Variants in MAPK4 observed in about 807,000 individuals in gnomAD.
The protein encoded by MAPK4 is Erk3-related.
A neutral mutation model predicts 47.7 loss-of-function variants in MAPK4; 22 were observed. The observed-to-expected ratio is 0.46, with a 90% CI of 0.33 to 0.66. The LOEUF is 0.66. Among genes scored for constraint, MAPK4 ranks in the 30% least tolerant of loss-of-function variants. The pLI, the probability that MAPK4 is intolerant of heterozygous loss-of-function variation, is 0.02. For synonymous variants in MAPK4, 390 were observed against 365.7 expected (o/e 1.07, Z -0.76); for missense variants, 736 against 831.7 (o/e 0.88, Z 1.42).
At chr18:50,687,356 G>T (rs938071950) in intron 2 of MAPK4, among the ~76,000 whole-genome samples, 3 of 152,148 alleles carry the variant, frequency 2.0e-5, no homozygotes, top group Non-Finnish European at 2.9e-5. Flanking sequence ...ATCCTTGGCC[G>T]CTACTTACTA....
chr18:50,714,883 CA>C (rs1910556468), intron 2 of MAPK4, among the ~76,000 whole-genome samples, 195 bp from the exon 3 acceptor site: 1 of 152,158 alleles, frequency 6.6e-6, no homozygotes, highest in African/African-American at 2.4e-5. Context: ...CAAAGCATTT[CA>C]ACCCCACAAA....
rs113610835 is a variant in MAPK4 at position 50,662,203 on chromosome 18, G to C, written c.-870-886G>C. 6.0e-3 allele frequency among the ~76,000 whole-genome samples: 917 copies of C among 152,334 alleles called. 6 individuals are homozygous for C. The highest frequency in any genetic ancestry group is 0.02 in the African/African-American group (843 of 41,562). On this transcript the variant is annotated intron_variant, in intron 1 of 5. Coordinates refer to ENST00000400384, the MANE Select transcript of MAPK4 (RefSeq NM_002747.4). The stretch of plus-strand genomic sequence containing the variant: ...GTGTTGGATACAGTCTTCTTTCTTT[G>C]TGTGTCTGTGGTCTTTATGAACTTA...
intron 1 of MAPK4, among the ~76,000 whole-genome samples, chr18:50,580,480 C>T (rs900968159): frequency 1.3e-5 from 2 of 152,178 alleles, no homozygotes; most frequent in African/African-American, 4.8e-5. Context: ...TGCCCCACAC[C>T]TTTTGCTAAT....
chr18:50,676,497 A>G (rs1459525175), intron 2 of MAPK4, among the ~76,000 whole-genome samples: 1 of 152,214 alleles, frequency 6.6e-6, no homozygotes, highest in Non-Finnish European at 1.5e-5. Flanking sequence ...GTGTTTTGAG[A>G]CTCAGGGACA....
intron 1 of MAPK4, among the ~76,000 whole-genome samples, chr18:50,650,673 G>A (rs2043039256): frequency 6.6e-6 from 1 of 152,304 alleles, no homozygotes; most frequent in East Asian, 1.9e-4. Flanking sequence ...ACCAGGACAG[G>A]GCTAATTCTC....
At chr18:50,612,482 T>A (rs766788666) in intron 1 of MAPK4, among the ~76,000 whole-genome samples, 12 of 152,208 alleles carry the variant, frequency 7.9e-5, no homozygotes, top group Non-Finnish European at 1.8e-4. Flanking sequence ...TTCAGGTGGA[T>A]AATTAAACAG....
chr18:50,633,698 C>T (rs1429115706), intron 1 of MAPK4, among the ~76,000 whole-genome samples: 5 of 152,154 alleles, frequency 3.3e-5, no homozygotes, highest in Admixed American at 6.5e-5. Flanking sequence ...CCTAAACTCC[C>T]GAAATCTTAC....
At chr18:50,603,884 C>G (rs2042561740) in intron 1 of MAPK4, among the ~76,000 whole-genome samples, 1 of 152,156 alleles carries the variant, frequency 6.6e-6, no homozygotes, top group African/African-American at 2.4e-5. Context: ...AAAGACCATG[C>G]ACTAATGTTC....
chr18:50,593,189 AT>A (rs980007685), intron 1 of MAPK4, among the ~76,000 whole-genome samples: 1 of 152,198 alleles, frequency 6.6e-6, no homozygotes, highest in African/African-American at 2.4e-5. Flanking sequence ...AGTAATTAAG[AT>A]TTTTTTCCTT....
intron 2 of MAPK4, among the ~76,000 whole-genome samples, chr18:50,675,794 T>G (rs1462624491): frequency 6.6e-6 from 1 of 152,012 alleles, no homozygotes; most frequent in Non-Finnish European, 1.5e-5. Context: ...CCAGCCCATT[T>G]TTTTGTATTT....
At chr18:50,598,660 A>T (rs1460909018) in intron 1 of MAPK4, among the ~76,000 whole-genome samples, 1 of 152,126 alleles carries the variant, frequency 6.6e-6, no homozygotes, top group East Asian at 1.9e-4. Context: ...TTTTATTTGG[A>T]TTTCACTAAC....
chr18:50,567,131 T>C (rs2042205694), intron 1 of MAPK4, among the ~76,000 whole-genome samples: 1 of 152,072 alleles, frequency 6.6e-6, no homozygotes, highest in East Asian at 1.9e-4. Context: ...GGGATACATG[T>C]GCAGAACATG....
At chr18:50,695,650 G>T (rs1260776241) in intron 2 of MAPK4, among the ~76,000 whole-genome samples, 2 of 152,208 alleles carry the variant, frequency 1.3e-5, no homozygotes, top group African/African-American at 2.4e-5. Flanking sequence ...GTGCAGTAGA[G>T]AGAGCTAGAG....
At chr18:50,668,236 G>A (rs1239714994) in intron 2 of MAPK4, among the ~76,000 whole-genome samples, 3 of 152,182 alleles carry the variant, frequency 2.0e-5, no homozygotes, top group East Asian at 1.9e-4. Context: ...GAGTGGGGGC[G>A]CACCACCCTC....
intron 3 of MAPK4, among the ~76,000 whole-genome samples, chr18:50,718,456 G>A (rs537617123): frequency 6.6e-6 from 1 of 152,162 alleles, no homozygotes; most frequent in South Asian, 2.1e-4. Flanking sequence ...GACCTCAAAT[G>A]ATCCACCTGC....
At chr18:50,654,619 G>A (rs184008295) in intron 1 of MAPK4, among the ~76,000 whole-genome samples, 1 of 152,360 alleles carries the variant, frequency 6.6e-6, no homozygotes, top group East Asian at 1.9e-4. Context: ...GGTTGCAGGA[G>A]TCGTTTAAAA....
intron 3 of MAPK4, among the ~76,000 whole-genome samples, chr18:50,716,663 T>G (rs1910650972): frequency 6.6e-6 from 1 of 152,104 alleles, no homozygotes; most frequent in African/African-American, 2.4e-5. Flanking sequence ...CCTACAGAAC[T>G]CCGGGCCTCA....
intron 1 of MAPK4, among the ~76,000 whole-genome samples, chr18:50,622,725 G>A (rs2042743407): frequency 6.6e-6 from 1 of 152,354 alleles, no homozygotes; most frequent in South Asian, 2.1e-4. Flanking sequence ...TGGAACTACA[G>A]CATTTGTTTA....
intron 1 of MAPK4, among the ~76,000 whole-genome samples, chr18:50,647,106 A>T (rs17742463): frequency 6.6e-6 from 1 of 152,052 alleles, no homozygotes; most frequent in Non-Finnish European, 1.5e-5. Context: ...CTCTATAAAT[A>T]TTACATGAAA....
Sources: gnomAD v4.1 joint callset for allele counts (sites outside exome capture counted in the v4.1 genomes callset) on GRCh38, gnomAD v4.1.1 for gene constraint, MANE v1.5 for transcripts, NCBI Gene and HGNC (gene_info 2026-07-23, HGNC 2026-07-21) for gene names.